Variants in TSPEAR observed in about 807,000 individuals in gnomAD.
TSPEAR encodes the protein thrombospondin-type laminin G domain and EAR repeat-containing protein.
A neutral mutation model predicts 71.6 loss-of-function variants in TSPEAR; 69 were observed. That is an observed-to-expected ratio of 0.96 (90% confidence interval 0.79 to 1.18). The LOEUF is 1.18. Among genes scored for constraint, TSPEAR ranks in the 50% most tolerant of loss-of-function variants. The pLI is 0.00. For missense variants in TSPEAR, 971 were observed against 894.9 expected (o/e 1.09, Z -1.09); for synonymous variants, 402 against 387.2 (o/e 1.04, Z -0.45).
intron 1 of TSPEAR, among the ~76,000 whole-genome samples, chr21:44,683,681 A>C (rs1555948495): frequency 1.2e-5 from 1 of 83,590 alleles, no homozygotes; most frequent in Admixed American, 1.2e-4. Context: ...AAAACAAATC[A>C]TCAGATATTA....
intron 1 of TSPEAR, chr21:44,666,697 C>G (rs782135994): frequency 6.2e-7 from 1 of 1,613,634 alleles, no homozygotes; most frequent in Non-Finnish European, 8.5e-7. Flanking sequence ...GGCACACACA[C>G]AGAAGACTGG....
intron 1 of TSPEAR, among the ~76,000 whole-genome samples, chr21:44,630,384 C>T (rs1229170971): frequency 6.6e-6 from 1 of 152,202 alleles, no homozygotes; most frequent in Non-Finnish European, 1.5e-5. Context: ...GAACCAGTCA[C>T]TGCCACCTGG....
intron 1 of TSPEAR, among the ~76,000 whole-genome samples, chr21:44,674,934 A>G (rs587758149): frequency 6.6e-6 from 1 of 152,228 alleles, no homozygotes; most frequent in Non-Finnish European, 1.5e-5. Context: ...AATCAGTAAT[A>G]AAAAGTCTCC....
At chr21:44,540,782 C>A (rs1175282930) in intron 2 of TSPEAR, among the ~76,000 whole-genome samples, 1 of 152,172 alleles carries the variant, frequency 6.6e-6, no homozygotes, top group Non-Finnish European at 1.5e-5. Flanking sequence ...AAGGAGAGGC[C>A]ATGCCCCTCC....
At chr21:44,601,904 C>G in intron 1 of TSPEAR, 1 of 997,800 alleles carries the variant, frequency 1.0e-6, no homozygotes, top group Non-Finnish European at 1.5e-6. Flanking sequence ...TCAGCTGTTT[C>G]TCCAAGTCTT....
intron 1 of TSPEAR, among the ~76,000 whole-genome samples, chr21:44,694,827 G>A (rs548749139): frequency 3.9e-5 from 6 of 152,314 alleles, no homozygotes; most frequent in Admixed American, 3.9e-4. Context: ...GGAGGAAGTG[G>A]GGAGAAGGCG....
At chr21:44,567,406 G>A (rs1461046752) in intron 2 of TSPEAR, among the ~76,000 whole-genome samples, 2 of 152,230 alleles carry the variant, frequency 1.3e-5, no homozygotes, top group Non-Finnish European at 2.9e-5. Context: ...GGCAGAGGAT[G>A]GGATGGGGCT....
chr21:44,672,529 C>A (rs1233131366), intron 1 of TSPEAR, among the ~76,000 whole-genome samples: 1 of 151,974 alleles, frequency 6.6e-6, no homozygotes, highest in Non-Finnish European at 1.5e-5. Context: ...GAGATGGCGC[C>A]ACTGCACTGC....
At position 44,522,293 on chromosome 21, in the gene TSPEAR, T is replaced by A. The variant is rs1181341001; in HGVS notation, c.1337-181A>T. Among the ~76,000 whole-genome samples the A allele has an allele frequency of 2.0e-5, 3 of 152,206 alleles. No individual in the cohort carries two copies. The East Asian group carries it at 5.8e-4, about 29-fold the overall frequency. On this transcript the variant is annotated intron_variant, in intron 8 of 11. Transcript: ENST00000323084. ...CTCCCGCCCTCAGCCCCTTGCTGAC[T>A]GCACCTCTGGGCCATCACAGGTGCT... is the stretch of plus-strand genomic sequence containing the variant.
At position 44,612,982 on chromosome 21, in the gene TSPEAR, T is replaced by G; in HGVS notation, c.83-44977A>C. On this transcript the variant is annotated intron_variant, in intron 1 of 11. Coordinates refer to ENST00000323084, the MANE Select transcript of TSPEAR (RefSeq NM_144991.3). This position sits in a 1 kb window ranked among gnomAD's most constrained non-coding sequence, Gnocchi z 4.1. ...GTTAAGTGGCTGCCCCTACCTGGGATGGGGTCTCCATGTCTCCCCTGTGCT... is the reference window on the plus strand; with the variant it reads ...GTTAAGTGGCTGCCCCTACCTGGGAGGGGGTCTCCATGTCTCCCCTGTGCT... 2 of 1,515,144 alleles carry G rather than the reference T, an allele frequency of 1.3e-6. No homozygotes were observed. The highest frequency in any genetic ancestry group is 1.8e-6 in the Non-Finnish European group (2 of 1,121,016). 93.9% of individuals were successfully genotyped at this position (1,515,144 alleles called of 1,614,324 possible). A position where few individuals can be genotyped will look rare whatever the true frequency, so the allele number is the denominator to read the frequency against.
At chr21:44,513,420 GAGAA>G (rs1254399485) in intron 9 of TSPEAR, among the ~76,000 whole-genome samples, 15 of 152,244 alleles carry the variant, frequency 9.9e-5, no homozygotes, top group Admixed American at 5.2e-4. Context: ...ATAGAGGAGA[GAGAA>G]AGAATCTTCA....
At chr21:44,509,511 G>A in intron 9 of TSPEAR, 125 bp from the exon 10 acceptor site, 1 of 511,988 alleles carries the variant, frequency 2.0e-6, no homozygotes, top group Non-Finnish European at 3.4e-6. Flanking sequence ...AGGTGTGGGG[G>A]AGGGGGCGCA....
chr21:44,665,951 C>G (rs587692920), intron 1 of TSPEAR, among the ~76,000 whole-genome samples: 1 of 152,142 alleles, frequency 6.6e-6, no homozygotes, highest in African/African-American at 2.4e-5. Context: ...AGTGGGGAAG[C>G]GAGACCACTC....
intron 3 of TSPEAR, among the ~76,000 whole-genome samples, chr21:44,533,043 C>A (rs1296212608): frequency 1.3e-5 from 2 of 152,342 alleles, no homozygotes; most frequent in East Asian, 3.9e-4. Flanking sequence ...CGGTCCCCTG[C>A]CAAGTCCCCT....
chr21:44,670,283 T>C (rs1357258505), intron 1 of TSPEAR, among the ~76,000 whole-genome samples: 2 of 152,134 alleles, frequency 1.3e-5, no homozygotes, highest in African/African-American at 4.8e-5. Flanking sequence ...TCATTAATAA[T>C]TGATCAATCA....
chr21:44,550,514 C>T (rs1203128929), intron 2 of TSPEAR: 4 of 985,566 alleles, frequency 4.1e-6, no homozygotes, highest in African/African-American at 3.3e-5. Flanking sequence ...CCAGGGCTCG[C>T]CCGCCCGGCG....
intron 1 of TSPEAR, among the ~76,000 whole-genome samples, chr21:44,654,964 C>T (rs1330230012): frequency 5.3e-5 from 8 of 152,168 alleles, no homozygotes; most frequent in South Asian, 2.1e-4. Context: ...GGAGCTCACA[C>T]AAGCACAGTC....
chr21:44,529,863 A>T lies in TSPEAR; in HGVS notation c.725T>A (p.Ile242Asn), dbSNP rs2052931826. ...CGTGAGAGCCTGCAGGACCCGTGGG[A>T]TGGACAGCACCGCCAGCGGGGCGTT... ...SRNAPLAVLS[I>N]PRVLQALTGK... is the part of the protein sequence containing the mutation. The change falls in exon 5 of 12, where the codon ATC (isoleucine) becomes AAC (asparagine). Residue 242 changes from isoleucine (I) to asparagine (N), a missense_variant. Ile to Asn is a moderately radical substitution (Grantham distance 149). Coordinates refer to ENST00000323084, the MANE Select transcript of TSPEAR (RefSeq NM_144991.3). The T allele has an allele frequency of 3.1e-6, 5 of 1,613,776 alleles. No homozygotes were observed. Among genetic ancestry groups the T allele is most frequent in the Non-Finnish European group, 4.2e-6 (5 of 1,179,934 alleles).
chr21:44,555,449 G>GC (rs1555919622), intron 2 of TSPEAR, among the ~76,000 whole-genome samples: 2 of 152,196 alleles, frequency 1.3e-5, no homozygotes, highest in African/African-American at 4.8e-5. Context: ...CACAGGATGA[G>GC]CCAAAGGGAG....
Sources: gnomAD v4.1 joint callset for allele counts (sites outside exome capture counted in the v4.1 genomes callset) on GRCh38, gnomAD v4.1.1 for gene constraint, Gnocchi (gnomAD v3.1) non-coding constraint, MANE v1.5 for transcripts, NCBI Gene and HGNC (gene_info 2026-07-23, HGNC 2026-07-21) for gene names.